Variants in DYNC2LI1 observed in about 807,000 individuals in gnomAD.
DYNC2LI1 encodes the protein cytoplasmic dynein 2 light intermediate chain 1.
DYNC2LI1 carries 45 observed loss-of-function variants against 51.9 expected under a neutral mutation model. The observed-to-expected ratio is 0.87, with a 90% CI of 0.68 to 1.11. The LOEUF (loss-of-function observed/expected upper bound fraction) is 1.11. Among genes scored for constraint, DYNC2LI1 ranks in the 50% most tolerant of loss-of-function variants. DYNC2LI1 has a pLI of 0.00. For synonymous variants in DYNC2LI1, 130 were observed against 137.8 expected (o/e 0.94, Z 0.40); for missense variants, 490 against 417.4 (o/e 1.17, Z -1.51).
At chr2:43,796,325 A>G (rs1201443585) in intron 7 of DYNC2LI1, among the ~76,000 whole-genome samples, 3 of 143,188 alleles carry the variant, frequency 2.1e-5, no homozygotes, top group South Asian at 2.1e-4. Flanking sequence ...ACAGTGAGAC[A>G]CTTGTCTCAA....
Position 43,789,802 on chromosome 2 carries a change from G to C in DYNC2LI1, c.320+81G>C. On this transcript the variant is annotated intron_variant, in intron 5 of 12. Transcript: ENST00000260605. ...AATATGAGTTGGCTTTTCTCAGTCA[G>C]AATTTTGGGGCACAGTTTTATGTTG... 6 of 1,211,144 alleles carry C rather than the reference G, an allele frequency of 5.0e-6. No individual in the cohort carries two copies. The South Asian group carries it at 8.5e-5, about 17-fold the overall frequency. 75.0% of individuals were successfully genotyped at this position (1,211,144 alleles called of 1,614,324 possible). A position where few individuals can be genotyped will look rare whatever the true frequency, so the allele number is the denominator to read the frequency against.
At chr2:43,783,601 T>A in intron 3 of DYNC2LI1, 47 bp downstream of exon 3, 2 of 1,262,368 alleles carry the variant, frequency 1.6e-6, no homozygotes, top group Non-Finnish European at 2.2e-6. Flanking sequence ...TTATTCTAGT[T>A]GTATAGGGCA....
chr2:43,786,385 T>C (rs1191446699), intron 3 of DYNC2LI1, among the ~76,000 whole-genome samples: 1 of 152,118 alleles, frequency 6.6e-6, no homozygotes, highest in Non-Finnish European at 1.5e-5. Flanking sequence ...TTTTGCCATG[T>C]TGCCCAGGCC....
downstream of DYNC2LI1, chr2:43,810,257 C>A: frequency 3.0e-6 from 2 of 668,712 alleles, no homozygotes; most frequent in Non-Finnish European, 3.7e-6. Context: ...GATGCACATT[C>A]CCAGGTCCCC....
At chr2:43,813,709 G>GGTTTTTTTTTTTTTT (rs1666623066), downstream of DYNC2LI1, among the ~76,000 whole-genome samples, 3 of 34,070 alleles carry the variant, frequency 8.8e-5, no homozygotes, top group Admixed American at 4.4e-4. Flanking sequence ...TTTTTTTTTC[G>GGTTTTTTTTTTTTTT]TTTTTTTTTT....
intron 6 of DYNC2LI1, chr2:43,795,291 G>A (rs1673981007): frequency 8.2e-6 from 5 of 608,534 alleles, no homozygotes; most frequent in Middle Eastern, 8.5e-4. Flanking sequence ...GGATCACGAC[G>A]TCAAGAGATC....
At chr2:43,776,922 T>A in intron 2 of DYNC2LI1, 23 bp downstream of exon 2, 1 of 1,194,566 alleles carries the variant, frequency 8.4e-7, no homozygotes, top group Non-Finnish European at 1.2e-6. Flanking sequence ...TTTTTTCAAT[T>A]ATTGTGATGA....
At chr2:43,825,511 A>G in the DYNC2LI1 span, among the ~76,000 whole-genome samples, 1 of 152,260 alleles carries the variant, frequency 6.6e-6, no homozygotes, top group Non-Finnish European at 1.5e-5. Flanking sequence ...GGAAAAACAC[A>G]GCCTTTGAAG....
At chr2:43,809,188 C>A (rs1270479187) in intron 12 of DYNC2LI1, among the ~76,000 whole-genome samples, 1 of 152,078 alleles carries the variant, frequency 6.6e-6, no homozygotes, top group Non-Finnish European at 1.5e-5. Flanking sequence ...GACACGGTCT[C>A]CCTATGTTGC....
At chr2:43,810,160 C>A, downstream of DYNC2LI1, 1 of 369,628 alleles carries the variant, frequency 2.7e-6, no homozygotes, top group South Asian at 1.1e-4. Flanking sequence ...GCATTCTCAG[C>A]TGTAGCTGGG....
chr2:43,777,047 A>T, intron 2 of DYNC2LI1, 148 bp downstream of exon 2: 1 of 445,360 alleles, frequency 2.2e-6, no homozygotes, highest in Non-Finnish European at 4.1e-6. Context: ...CTTATTATTA[A>T]TCTAGGAAAA....
chr2:43,811,447 G>T (rs1452598759), downstream of DYNC2LI1, among the ~76,000 whole-genome samples: 1 of 152,110 alleles, frequency 6.6e-6, no homozygotes, highest in Admixed American at 6.5e-5. Context: ...TTCTTCACAA[G>T]TTAGGTCACA....
At chr2:43,781,052 C>A (rs1429414045) in intron 2 of DYNC2LI1, among the ~76,000 whole-genome samples, 1 of 152,068 alleles carries the variant, frequency 6.6e-6, no homozygotes, top group Non-Finnish European at 1.5e-5. Flanking sequence ...TAGTGCTATA[C>A]ATTTATATGA....
chr2:43,792,916 G>C, intron 5 of DYNC2LI1: 1 of 1,135,352 alleles, frequency 8.8e-7, no homozygotes, highest in Non-Finnish European at 1.2e-6. Context: ...AGAACATTTG[G>C]GTTGTTTTCA....
chr2:43,795,979 C>G (rs1285551642), intron 7 of DYNC2LI1, 21 bp downstream of exon 7: 2 of 1,591,590 alleles, frequency 1.3e-6, no homozygotes, highest in South Asian at 1.1e-5. Context: ...CCGCTTCTAG[C>G]TGAGTTTGTT....
chr2:43,779,058 C>G (rs963735359), intron 2 of DYNC2LI1, among the ~76,000 whole-genome samples: 1 of 151,936 alleles, frequency 6.6e-6, no homozygotes, highest in African/African-American at 2.4e-5. Flanking sequence ...GAGTTCGAGA[C>G]CAACCTAGGC....
intron 2 of DYNC2LI1, among the ~76,000 whole-genome samples, chr2:43,779,725 G>A (rs1673187073): frequency 6.6e-6 from 1 of 152,206 alleles, no homozygotes; most frequent in African/African-American, 2.4e-5. Context: ...AGTATTCTAA[G>A]ATGATCAAGA....
chr2:43,813,366 A>G, downstream of DYNC2LI1: 4 of 1,259,676 alleles, frequency 3.2e-6, 1 homozygote, highest in South Asian at 3.7e-5. Flanking sequence ...AATTTAATCA[A>G]CAAGTATTTA....
intron 1 of DYNC2LI1, chr2:43,775,854 ATTTTTTTTTTTTTTTTT>A (rs57868887): frequency 4.0e-5 from 2 of 50,420 alleles, no homozygotes; most frequent in African/African-American, 9.0e-5. Context: ...CACCTGGCCA[ATTTTTTTTTTTTTTTTT>A]TTTTTTTTTT....
Sources: allele counts gnomAD v4.1 joint callset (sites outside exome capture counted in the v4.1 genomes callset), GRCh38; gene constraint gnomAD v4.1.1; transcripts MANE v1.5; gene names NCBI Gene and HGNC (gene_info 2026-07-23, HGNC 2026-07-21).